The following FCF1 variants were observed in gnomAD, a reference collection of about 807,000 sequenced individuals.
The protein encoded by FCF1 is FCF1 rRNA-processing protein.
Under a neutral mutation model 32.5 loss-of-function variants are expected in FCF1, and 17 were observed. The ratio of observed to expected loss-of-function variants is 0.52; its 90% CI spans 0.36 to 0.78. The LOEUF (loss-of-function observed/expected upper bound fraction) is 0.78. FCF1 is among the 30% of genes least tolerant of loss of function. FCF1 has a pLI of 0.00. For missense variants in FCF1, 201 were observed against 241.1 expected, an observed-to-expected ratio of 0.83 and a Z score of 1.10; for synonymous variants, 84 against 78.4, an observed-to-expected ratio of 1.07 and a Z score of -0.38.
chr14:74,728,445 A>G (rs1459909577), intron 5 of FCF1, among the ~76,000 whole-genome samples: 1 of 151,924 alleles, frequency 6.6e-6, no homozygotes, highest in Non-Finnish European at 1.5e-5. Context: ...GATTTTTTAC[A>G]TTGATTTTGT....
intron 1 of FCF1, 89 bp downstream of exon 1, chr14:74,713,289 C>T: frequency 2.5e-6 from 4 of 1,613,672 alleles, no homozygotes; most frequent in Non-Finnish European, 3.4e-6. Context: ...ATTTCCTTCA[C>T]ATTATCCTAG....
Position 74,725,668 on chromosome 14 carries a change from C to T in FCF1, c.365+2324C>T, listed in dbSNP as rs1265436734. On this transcript the variant is annotated intron_variant, in intron 5 of 7. Coordinates refer to ENST00000341162, the MANE Select transcript of FCF1 (RefSeq NM_015962.5). ...CCGGGCGGCCAGCCAGGCGCAGTGGCTCACGCCTGTAATCCCAGCACTTTG... is the reference window on the plus strand; with the variant it reads ...CCGGGCGGCCAGCCAGGCGCAGTGGTTCACGCCTGTAATCCCAGCACTTTG... Among the ~76,000 whole-genome samples the T allele has an allele frequency of 2.6e-5, 4 of 152,108 alleles. No individual in the cohort carries two copies. The East Asian group carries it at 7.8e-4, about 30-fold the overall frequency.
intron 5 of FCF1, among the ~76,000 whole-genome samples, chr14:74,729,896 C>T (rs1475497203): frequency 6.6e-6 from 1 of 152,096 alleles, no homozygotes; most frequent in Non-Finnish European, 1.5e-5. Context: ...GTTCAGTTTC[C>T]ATGTAGTTGT....
intron 2 of FCF1, 31 bp from the exon 3 acceptor site, chr14:74,714,841 C>A: frequency 2.0e-6 from 3 of 1,532,062 alleles, no homozygotes; most frequent in Middle Eastern, 3.4e-4. Context: ...TTTTCTTCTC[C>A]CTTGGATTTA....
Position 74,732,673 on chromosome 14 carries a change from T to G in FCF1, c.366-58T>G, listed in dbSNP as rs2090654945. ...ATAGATCATGTTACTTTTATTGCAT[T>G]AATTAAGACTCAGAAAGTTATCCAG... On this transcript the variant is annotated intron_variant, in intron 5 of 7. Coordinates refer to ENST00000341162, the MANE Select transcript of FCF1 (RefSeq NM_015962.5). The G allele has an allele frequency of 2.9e-5, 33 of 1,130,098 alleles. No homozygotes were observed. In the South Asian group the frequency reaches 4.0e-4, roughly 14 times the overall value. 70.0% of individuals were successfully genotyped at this position (1,130,098 alleles called of 1,614,324 possible).
chr14:74,735,061 T>C lies in FCF1; in HGVS notation c.*131T>C. ...GGAGTTCAGGGAGATATTTATTATT[T>C]AGGTGCACCAGCCCAGTCAGATTAA... On this transcript the variant is annotated 3_prime_UTR_variant, in exon 8 of 8. Transcript: ENST00000341162. 1 of 763,854 alleles carries C rather than the reference T, an allele frequency of 1.3e-6. No individual in the cohort carries two copies. Among genetic ancestry groups the C allele is most frequent in the Non-Finnish European group, 2.3e-6 (1 of 439,638 alleles). The allele number at this position is 763,854 out of a possible 1,614,324, so 47.3% of individuals were successfully genotyped here.
intron 5 of FCF1, among the ~76,000 whole-genome samples, chr14:74,730,941 T>C (rs1258096295): frequency 6.6e-6 from 1 of 151,814 alleles, no homozygotes; most frequent in Admixed American, 6.6e-5. Flanking sequence ...GAGGTTGCAG[T>C]GAGCTGGGAT....
At chr14:74,730,726 G>T (rs1486749283) in intron 5 of FCF1, among the ~76,000 whole-genome samples, 1 of 152,162 alleles carries the variant, frequency 6.6e-6, no homozygotes, top group Non-Finnish European at 1.5e-5. Context: ...AAGGCTGGGT[G>T]CAGTGGCTAA....
At position 74,714,948 on chromosome 14, in the gene FCF1, G is replaced by T; in HGVS notation, c.143+5G>T. ...CGCATTAAAGGAAAGAGAAGTGTGA[G>T]TAATCAAACGTTTGAAGTTTTCCTT... On this transcript the variant is annotated splice_donor_5th_base_variant and intron_variant, in intron 3 of 7. Transcript: ENST00000341162. 1 of 1,572,064 alleles carries T rather than the reference G, an allele frequency of 6.4e-7. No individual in the cohort carries two copies. The highest frequency in any genetic ancestry group is 8.6e-7 in the Non-Finnish European group (1 of 1,158,858).
chr14:74,717,290 A>C (rs898095445), intron 4 of FCF1, among the ~76,000 whole-genome samples: 6 of 152,016 alleles, frequency 3.9e-5, no homozygotes, highest in Admixed American at 3.9e-4. Flanking sequence ...TGGGAGGTGG[A>C]GCTTGCAGTG....
At chr14:74,721,889 G>A (rs1043677624) in intron 4 of FCF1, among the ~76,000 whole-genome samples, 8 of 152,080 alleles carry the variant, frequency 5.3e-5, no homozygotes, top group Non-Finnish European at 7.4e-5. Flanking sequence ...CCCTAAGAGT[G>A]TATTTCTTTA....
intron 5 of FCF1, among the ~76,000 whole-genome samples, chr14:74,730,551 T>TA (rs1482568865): frequency 2.0e-5 from 3 of 152,030 alleles, no homozygotes; most frequent in Non-Finnish European, 4.4e-5. Flanking sequence ...TCATCTCTGC[T>TA]AAAAATACAA....
At chr14:74,730,662 CA>C (rs1464104101) in intron 5 of FCF1, among the ~76,000 whole-genome samples, 1 of 152,054 alleles carries the variant, frequency 6.6e-6, no homozygotes, top group East Asian at 1.9e-4. Flanking sequence ...TGCAATGAGC[CA>C]AGATCATGCC....
At chr14:74,725,380 T>G (rs2140031201) in intron 5 of FCF1, among the ~76,000 whole-genome samples, 1 of 145,272 alleles carries the variant, frequency 6.9e-6, no homozygotes, top group African/African-American at 2.6e-5. Context: ...CTCTGGAGGC[T>G]GAGGCAGGAG....
chr14:74,728,969 A>C (rs985233180), intron 5 of FCF1, among the ~76,000 whole-genome samples: 1 of 152,092 alleles, frequency 6.6e-6, no homozygotes. Context: ...ATCATGGTGG[A>C]TAAGCTTTTT....
intron 1 of FCF1, 86 bp from the exon 2 acceptor site, chr14:74,713,394 AGAAGG>A: frequency 6.5e-7 from 1 of 1,538,432 alleles, no homozygotes; most frequent in Non-Finnish European, 8.9e-7. Flanking sequence ...ATTTGAGGCA[AGAAGG>A]GAAGGCAATA....
Position 74,716,066 on chromosome 14 carries a change from G to A in FCF1, c.259G>A (p.Val87Met), listed in dbSNP as rs141858608. 197 of 1,613,796 alleles carry A rather than the reference G, an allele frequency of 1.2e-4. No homozygotes were observed. The highest frequency in any genetic ancestry group is 1.5e-4 in the Non-Finnish European group (180 of 1,179,890). The change falls in exon 4 of 8, where the codon GTG becomes ATG. Residue 87 changes from valine (V) to methionine (M), a missense_variant. This residue lies in a region of FCF1 where 121 missense variants were observed against 147.8 expected (regional missense o/e 0.82). Transcript: ENST00000341162. ...NFSIKAKLDLVQSMMDCLYAK... is the reference protein window; with the variant it reads ...NFSIKAKLDLMQSMMDCLYAK... ...TTCCATAAAAGCCAAACTGGACTTA[G>A]TGCAGTCAATGATGGACTGTCTGTA...
Position 74,713,326 on chromosome 14 carries a change from T to G in FCF1, c.3+126T>G, listed in dbSNP as rs2090358578. 1.9e-6 allele frequency: 3 copies of G among 1,598,800 alleles called. No homozygotes were observed. In the East Asian group the frequency reaches 6.7e-5, roughly 36 times the overall value. On this transcript the variant is annotated intron_variant, in intron 1 of 7. Transcript: ENST00000341162. ...ATATTTTCATTCTGGTCTTAGCTCT[T>G]AAACTTCTCCAAGCGGTGACTGTTA...
rs887747098 is a variant in FCF1 at position 74,713,190 on chromosome 14, G to C, written c.-8G>C. The C allele has an allele frequency of 3.1e-6, 5 of 1,614,212 alleles. No individual in the cohort carries two copies. The highest frequency in any genetic ancestry group is 4.2e-6 in the Non-Finnish European group (5 of 1,180,048). ...TGATTACGGAAGAACCAGGAGTTTG[G>C]CGTGACCATGGTGAGAGAAGACGGT... On this transcript the variant is annotated 5_prime_UTR_variant, in exon 1 of 8. Coordinates refer to ENST00000341162, the MANE Select transcript of FCF1 (RefSeq NM_015962.5).
Sources: allele counts gnomAD v4.1 joint callset (sites outside exome capture counted in the v4.1 genomes callset), GRCh38; gene constraint gnomAD v4.1.1; regional missense constraint gnomAD v4.1.1; transcripts MANE v1.5; gene names NCBI Gene and HGNC (gene_info 2026-07-23, HGNC 2026-07-21).